The following DPP10 variants were observed in gnomAD, a reference collection of about 807,000 sequenced individuals.
DPP10 encodes the protein dipeptidyl peptidase like 10, also known as inactive dipeptidyl peptidase 10.
In DPP10, 33 loss-of-function variants were observed where a neutral mutation model predicts 120.9. The observed-to-expected ratio is 0.27, with a 90% CI of 0.21 to 0.37. DPP10 has a LOEUF of 0.37. Ranked by LOEUF, DPP10 falls within the 10% of genes least tolerant of loss-of-function variation. The pLI, the probability that DPP10 is intolerant of heterozygous loss-of-function variation, is 1.00. For synonymous variants in DPP10, 337 were observed against 326.1 expected (o/e 1.03, Z -0.36); for missense variants, 816 against 942.8 (o/e 0.87, Z 1.76).
chr2:115,004,392 G>A (rs6705382), intron 1 of DPP10, among the ~76,000 whole-genome samples: 43,068 of 151,854 alleles, frequency 0.28, 6,333 homozygotes, highest in South Asian at 0.44. Flanking sequence ...GAACAGCTCC[G>A]GTCTACAGCT....
intron 3 of DPP10, among the ~76,000 whole-genome samples, chr2:115,386,772 CTCACAATAATCCTTATGCCAAA>C (rs1263662630): frequency 6.6e-6 from 1 of 152,084 alleles, no homozygotes; most frequent in Admixed American, 6.5e-5. Context: ...TTTCATTCCT[CTCACAATAATCCTTATGCCAAA>C]GTGGCATATT....
chr2:115,167,495 T>C (rs2052979379), intron 1 of DPP10, among the ~76,000 whole-genome samples: 1 of 151,362 alleles, frequency 6.6e-6, no homozygotes, highest in Non-Finnish European at 1.5e-5. Flanking sequence ...TGGTCCCAGC[T>C]ACTCAGGAGG....
intron 1 of DPP10, among the ~76,000 whole-genome samples, chr2:114,650,392 T>C (rs1289582276): frequency 1.3e-5 from 2 of 151,982 alleles, no homozygotes; most frequent in African/African-American, 2.4e-5. Flanking sequence ...CAAGAATGAG[T>C]CCAGGAGATA....
At chr2:115,512,612 G>A (rs890382953) in intron 4 of DPP10, among the ~76,000 whole-genome samples, 1 of 151,430 alleles carries the variant, frequency 6.6e-6, no homozygotes, top group African/African-American at 2.4e-5. Context: ...TCTTCTCAAA[G>A]CATTTTATTA....
In DPP10 at chr2:114,987,804, C is replaced by CTTTTTTTTTTTTTTTTTT. The variant is rs59203543; in HGVS notation, c.61-321423_61-321422insTTTTTTTTTTTTTTTTTT. Among the ~76,000 whole-genome samples the CTTTTTTTTTTTTTTTTTT allele has an allele frequency of 3.0e-3, 308 of 101,030 alleles. 36 individuals carry two copies. The highest frequency in any genetic ancestry group is 3.5e-3 in the Non-Finnish European group (198 of 55,832). 66.3% of individuals were successfully genotyped at this position (101,030 alleles called of 152,430 possible). A position where few individuals can be genotyped will look rare whatever the true frequency, so the allele number is the denominator to read the frequency against. On this transcript the variant is annotated intron_variant, in intron 1 of 25. Coordinates refer to ENST00000410059, the MANE Select transcript of DPP10 (RefSeq NM_020868.6). The stretch of plus-strand genomic sequence containing the variant: ...TATACTCCTTGAGTGTGGAGACTGT[C>CTTTTTTTTTTTTTTTTTT]TTTTTTTTTTTTATTTTGAGATGGA...
intron 8 of DPP10, among the ~76,000 whole-genome samples, chr2:115,736,734 C>T (rs146591169): frequency 2.0e-3 from 299 of 152,214 alleles, no homozygotes; most frequent in African/African-American, 6.8e-3. Context: ...GAGAAGTGAT[C>T]CTATGTCAAA....
At chr2:115,799,944 A>G (rs2149961905) in intron 19 of DPP10, among the ~76,000 whole-genome samples, 1 of 152,134 alleles carries the variant, frequency 6.6e-6, no homozygotes, top group African/African-American at 2.4e-5. Flanking sequence ...CTTTGGGTAT[A>G]TACCCAGTAA....
intron 5 of DPP10, among the ~76,000 whole-genome samples, chr2:115,670,790 G>C (rs2089814097): frequency 6.6e-6 from 1 of 152,062 alleles, no homozygotes; most frequent in Non-Finnish European, 1.5e-5. Flanking sequence ...ACTTGATGCT[G>C]ACATTGCTCT....
Position 115,466,437 on chromosome 2 carries a change from G to C in DPP10, c.272-33073G>C, listed in dbSNP as rs79583125. On this transcript the variant is annotated intron_variant, in intron 3 of 25. Coordinates refer to ENST00000410059, the MANE Select transcript of DPP10 (RefSeq NM_020868.6). ...AAATATTATTATACTAAATCATAAT[G>C]AAAACTAGTCTGATTTGATGTATTA... Among the ~76,000 whole-genome samples, 740 of 152,210 alleles carry C rather than the reference G, an allele frequency of 4.9e-3. 7 individuals are homozygous for C. The highest frequency in any genetic ancestry group is 8.7e-3 in the South Asian group (42 of 4,828).
chr2:114,673,743 T>C (rs1282739263), intron 1 of DPP10, among the ~76,000 whole-genome samples: 1 of 152,292 alleles, frequency 6.6e-6, no homozygotes, highest in African/African-American at 2.4e-5. Flanking sequence ...TACCTTTTTC[T>C]AAGTGTTATG....
intron 1 of DPP10, chr2:115,066,769 T>A (rs1322212835): frequency 6.6e-6 from 1 of 152,160 alleles, no homozygotes; most frequent in East Asian, 1.9e-4. Context: ...TTAGAGTTTT[T>A]CCCTAACTTT....
intron 21 of DPP10, among the ~76,000 whole-genome samples, chr2:115,824,428 C>G (rs1054226652): frequency 3.9e-5 from 6 of 152,040 alleles, no homozygotes; most frequent in African/African-American, 1.4e-4. Flanking sequence ...AGGTTTTAAG[C>G]CCTGCATGCA....
intron 1 of DPP10, among the ~76,000 whole-genome samples, chr2:115,214,610 A>G (rs983376437): frequency 6.6e-6 from 1 of 152,154 alleles, no homozygotes; most frequent in Non-Finnish European, 1.5e-5. Context: ...GTCACTGAAC[A>G]TGTGTTTGTC....
intron 1 of DPP10, among the ~76,000 whole-genome samples, chr2:114,956,986 C>CAAAAAAAAA (rs764400761): frequency 1.9e-5 from 2 of 106,970 alleles, no homozygotes; most frequent in East Asian, 2.8e-4. Flanking sequence ...TAAAACTATT[C>CAAAAAAAAA]AAAAAAAAAA....
chr2:114,809,004 G>A (rs2106314633), intron 1 of DPP10, among the ~76,000 whole-genome samples: 1 of 149,300 alleles, frequency 6.7e-6, no homozygotes, highest in African/African-American at 2.4e-5. Context: ...GTAAAAGACT[G>A]CTTTTTGAAT....
At chr2:115,102,050 A>C (rs2048714619) in intron 1 of DPP10, among the ~76,000 whole-genome samples, 1 of 152,228 alleles carries the variant, frequency 6.6e-6, no homozygotes, top group East Asian at 1.9e-4. Context: ...CTGCTATAAC[A>C]AAATATTATA....
intron 1 of DPP10, among the ~76,000 whole-genome samples, chr2:114,892,633 C>T (rs1184961578): frequency 2.0e-5 from 3 of 152,212 alleles, no homozygotes; most frequent in Admixed American, 6.5e-5. Flanking sequence ...CAGTAACCAG[C>T]ATCAGGGAGT....
intron 1 of DPP10, among the ~76,000 whole-genome samples, chr2:115,109,333 C>T (rs567467878): frequency 2.0e-5 from 3 of 152,088 alleles, no homozygotes; most frequent in East Asian, 1.9e-4. Flanking sequence ...GTCAGGAGAT[C>T]GAGACCATCC....
intron 19 of DPP10, among the ~76,000 whole-genome samples, chr2:115,796,386 C>T (rs994931394): frequency 1.3e-5 from 2 of 152,050 alleles, no homozygotes; most frequent in African/African-American, 4.8e-5. Flanking sequence ...TTTGCCATAC[C>T]GCACTAACTG....
Sources: gnomAD v4.1 joint callset for allele counts (sites outside exome capture counted in the v4.1 genomes callset) on GRCh38, gnomAD v4.1.1 for gene constraint, MANE v1.5 for transcripts, NCBI Gene and HGNC (gene_info 2026-07-23, HGNC 2026-07-21) for gene names.